The following EPB41L2 variants were observed in gnomAD, a reference collection of about 807,000 sequenced individuals.
EPB41L2 encodes erythrocyte membrane protein band 4.1 like 2.
EPB41L2 carries 43 observed loss-of-function variants against 113.0 expected under a neutral mutation model. That is an observed-to-expected ratio of 0.38 (90% CI 0.30 to 0.49). The LOEUF (loss-of-function observed/expected upper bound fraction) is 0.49. Among genes scored for constraint, EPB41L2 ranks in the 20% least tolerant of loss-of-function variants. The pLI, the probability that EPB41L2 is intolerant of heterozygous loss-of-function variation, is 0.95. For missense variants in EPB41L2, 1,147 were observed against 1,223.4 expected (o/e 0.94, Z 0.93); for synonymous variants, 442 against 436.7 (o/e 1.01, Z -0.15).
chr6:130,859,714 C>T (rs1195202147), intron 18 of EPB41L2, among the ~76,000 whole-genome samples: 2 of 150,940 alleles, frequency 1.3e-5, no homozygotes, highest in Non-Finnish European at 2.9e-5. Context: ...AAACAGAAAC[C>T]CTAAGCCTCG....
chr6:130,979,721 G>C (rs1429142359), intron 1 of EPB41L2, among the ~76,000 whole-genome samples: 1 of 152,110 alleles, frequency 6.6e-6, no homozygotes, highest in Non-Finnish European at 1.5e-5. Flanking sequence ...GTTAGAAAGA[G>C]ACTTCCAAAC....
chr6:130,978,093 T>C (rs1778578542), intron 1 of EPB41L2, among the ~76,000 whole-genome samples: 1 of 152,248 alleles, frequency 6.6e-6, no homozygotes, highest in African/African-American at 2.4e-5. Flanking sequence ...ATTTCCCTTC[T>C]TTCTTTTCTC....
intron 1 of EPB41L2, among the ~76,000 whole-genome samples, chr6:131,012,833 A>G (rs1210258327): frequency 6.6e-6 from 1 of 152,216 alleles, no homozygotes; most frequent in Non-Finnish European, 1.5e-5. Flanking sequence ...AGAGTTTAGT[A>G]AAAACATTAA....
intron 1 of EPB41L2, among the ~76,000 whole-genome samples, chr6:130,976,602 TAA>T (rs1441224428): frequency 2.0e-5 from 3 of 152,100 alleles, no homozygotes; most frequent in African/African-American, 7.2e-5. Flanking sequence ...GACAAAAGAA[TAA>T]AAGAGTGGTG....
chr6:130,864,398 G>T (rs954103026), intron 17 of EPB41L2, among the ~76,000 whole-genome samples: 1 of 152,200 alleles, frequency 6.6e-6, no homozygotes, highest in Non-Finnish European at 1.5e-5. Context: ...GACACCCTGC[G>T]TAAGTAGTCA....
At chr6:131,008,301 G>T (rs1307881212) in intron 1 of EPB41L2, among the ~76,000 whole-genome samples, 1 of 152,256 alleles carries the variant, frequency 6.6e-6, no homozygotes, top group African/African-American at 2.4e-5. Flanking sequence ...CCCAAGCCTT[G>T]GTGGCATCCA....
chr6:130,997,933 T>TA (rs35835208), intron 1 of EPB41L2, among the ~76,000 whole-genome samples: 4,506 of 152,108 alleles, frequency 0.03, 88 homozygotes, highest in South Asian at 0.093. Flanking sequence ...AAATTATAAC[T>TA]AAAAAAAATC....
intron 1 of EPB41L2, among the ~76,000 whole-genome samples, chr6:131,002,614 C>T (rs1454606302): frequency 6.6e-6 from 1 of 152,186 alleles, no homozygotes; most frequent in Admixed American, 6.5e-5. Context: ...ATGATAGTTA[C>T]TTTGGCAAAA....
rs1562273568 is a variant in EPB41L2, at chr6:130,843,728, A to AT, written c.*6-3131dup. On this transcript the variant is annotated intron_variant, in intron 19 of 19. Coordinates refer to ENST00000337057, the MANE Select transcript of EPB41L2 (RefSeq NM_001431.4). ...TAAACATTCTAACTACTATAGTCAC[A>AT]TTCCTTAGTCTATGTCCCCCTCTTT... Among the ~76,000 whole-genome samples the AT allele has an allele frequency of 2.6e-5, 4 of 152,334 alleles. No individual in the cohort carries two copies. In the East Asian group the frequency reaches 7.7e-4, roughly 29 times the overall value.
At chr6:130,908,163 C>A (rs150589702) in intron 5 of EPB41L2, among the ~76,000 whole-genome samples, 2 of 152,132 alleles carry the variant, frequency 1.3e-5, no homozygotes, top group Admixed American at 6.5e-5. Flanking sequence ...AGAGGCAGAA[C>A]GTATAGAGAG....
At chr6:130,915,027 G>C (rs912486284) in intron 4 of EPB41L2, among the ~76,000 whole-genome samples, 8 of 152,160 alleles carry the variant, frequency 5.3e-5, no homozygotes, top group African/African-American at 1.9e-4. Flanking sequence ...TCACCGGCCG[G>C]GCGCGGTGGC....
intron 1 of EPB41L2, among the ~76,000 whole-genome samples, chr6:130,979,972 A>T (rs1779018761): frequency 6.6e-6 from 1 of 152,206 alleles, no homozygotes; most frequent in South Asian, 2.1e-4. Flanking sequence ...AGGCAGAGAG[A>T]CCAAAGAACC....
chr6:130,985,303 G>C (rs1213708992), intron 1 of EPB41L2, among the ~76,000 whole-genome samples: 2 of 152,104 alleles, frequency 1.3e-5, no homozygotes, highest in African/African-American at 4.8e-5. Context: ...TTTGGGGGGG[G>C]ACTTTCCCAC....
chr6:130,880,649 C>G, intron 12 of EPB41L2: 2 of 454,042 alleles, frequency 4.4e-6, no homozygotes, highest in East Asian at 6.6e-5. Flanking sequence ...CCTCTTTGGT[C>G]TTTCTTCACC....
chr6:130,872,043 TG>T (rs1785865712), intron 14 of EPB41L2, among the ~76,000 whole-genome samples: 1 of 152,172 alleles, frequency 6.6e-6, no homozygotes, highest in Non-Finnish European at 1.5e-5. Context: ...GCCTGAAATT[TG>T]GGGTTTTGAA....
intron 1 of EPB41L2, among the ~76,000 whole-genome samples, chr6:130,994,357 C>T (rs1782572482): frequency 6.6e-6 from 1 of 152,190 alleles, no homozygotes; most frequent in Non-Finnish European, 1.5e-5. Context: ...AGCCACACAA[C>T]TAATGACCTA....
chr6:130,954,430 T>C (rs1816707374), intron 3 of EPB41L2, among the ~76,000 whole-genome samples: 1 of 152,190 alleles, frequency 6.6e-6, no homozygotes, highest in Non-Finnish European at 1.5e-5. Flanking sequence ...AAAATAGCAA[T>C]GATAATATCT....
In EPB41L2 at chr6:131,059,316, G is replaced by A. The variant is rs189019617; in HGVS notation, c.-15+3839C>T. On this transcript the variant is annotated intron_variant, in intron 1 of 19. Transcript: ENST00000337057. Reference sequence around the variant, plus strand: ...TTTTTAGTAGAGACGGGGTTTCACCGTGTTAGCCAGGATGGTCTCGATCTC... The same window carrying A: ...TTTTTAGTAGAGACGGGGTTTCACCATGTTAGCCAGGATGGTCTCGATCTC... Among the ~76,000 whole-genome samples the A allele has an allele frequency of 8.9e-3, 1,355 of 152,126 alleles. 10 individuals are homozygous for A. The highest frequency in any genetic ancestry group is 0.021 in the South Asian group (103 of 4,818).
intron 1 of EPB41L2, among the ~76,000 whole-genome samples, chr6:131,058,703 T>C (rs937659273): frequency 6.6e-6 from 1 of 152,182 alleles, no homozygotes; most frequent in African/African-American, 2.4e-5. Flanking sequence ...TAGAAAAAGC[T>C]ACCAAAATCT....
Sources: gnomAD v4.1 joint callset for allele counts (sites outside exome capture counted in the v4.1 genomes callset) on GRCh38, gnomAD v4.1.1 for gene constraint, MANE v1.5 for transcripts, NCBI Gene and HGNC (gene_info 2026-07-23, HGNC 2026-07-21) for gene names.